IBTK: variants seen among roughly 807,000 people sequenced by gnomAD.
IBTK encodes the protein BTK-binding protein.
A neutral mutation model predicts 154.9 loss-of-function variants in IBTK; 83 were observed. The observed-to-expected ratio is 0.54, with a 90% CI of 0.45 to 0.64. The LOEUF (loss-of-function observed/expected upper bound fraction) is 0.64. Ranked by LOEUF, IBTK falls within the 30% of genes least tolerant of loss-of-function variation. The pLI, the probability that IBTK is intolerant of heterozygous loss-of-function variation, is 0.00. For missense variants in IBTK, 1,332 were observed against 1,584.6 expected (o/e 0.84, Z 2.71); for synonymous variants, 515 against 536.1 (o/e 0.96, Z 0.54).
rs1173451030 is a variant in IBTK at position 82,240,249 on chromosome 6, C to G, written c.238G>C (p.Val80Leu). The G allele has an allele frequency of 6.2e-7, 1 of 1,614,224 alleles. No individual in the cohort carries two copies. The highest frequency in any genetic ancestry group is 8.5e-7 in the Non-Finnish European group (1 of 1,180,018). ...GTCCATCCAGACTCTTTGTCTTTCA[C>G]CAACAGATCCACTCCTTTCTGAATA... ...WLIQKGVDLL[V>L]KDKESGWTAL... Residue 80 changes from valine to leucine, a missense_variant, in exon 2 of 29, where the codon GTG (valine) becomes CTG (leucine). Transcript: ENST00000306270.
At position 82,170,919 on chromosome 6, in the gene IBTK, T is replaced by C. The variant is rs1210745335; in HGVS notation, c.*506A>G. ...CATGGACCACATGATTAGCCTGATTTTTAAAAAGCAACAAGAATGGTGACA... is the reference window on the plus strand; with the variant it reads ...CATGGACCACATGATTAGCCTGATTCTTAAAAAGCAACAAGAATGGTGACA... On this transcript the variant is annotated 3_prime_UTR_variant, in exon 29 of 29. Coordinates refer to ENST00000306270, the MANE Select transcript of IBTK (RefSeq NM_015525.4). The C allele has an allele frequency of 6.5e-6, 1 of 153,074 alleles. No individual in the cohort carries two copies. The highest frequency in any genetic ancestry group is 1.5e-5 in the Non-Finnish European group (1 of 68,774). The allele number at this position is 153,074 out of a possible 1,614,324, so 9.5% of individuals were successfully genotyped here. A position where few individuals can be genotyped will look rare whatever the true frequency, so the allele number is the denominator to read the frequency against.
Position 82,194,610 on chromosome 6 carries a change from A to T in IBTK, c.3207T>A (p.Ser1069=). 1 of 1,600,484 alleles carries T rather than the reference A, an allele frequency of 6.2e-7. No homozygotes were observed. The highest frequency in any genetic ancestry group is 8.5e-7 in the Non-Finnish European group (1 of 1,174,482). Residue 1069 remains serine, a synonymous_variant, in exon 23 of 29, where the codon TCT becomes TCA. Transcript: ENST00000306270. ...TTAAATCTTCCCTAGAATACACAGG[A>T]GATGTACCATTAACATACGGTTTGA... ...AKVKPYVNGT[S]PVYSREDLKP...
chr6:82,186,633 T>G (rs1218589825), intron 25 of IBTK, among the ~76,000 whole-genome samples: 1 of 152,158 alleles, frequency 6.6e-6, no homozygotes, highest in Non-Finnish European at 1.5e-5. Flanking sequence ...AAAGTATGCC[T>G]GTATAGTCTT....
intron 2 of IBTK, 67 bp from the exon 3 acceptor site, chr6:82,234,322 C>T: frequency 1.9e-6 from 1 of 532,126 alleles, no homozygotes; most frequent in Non-Finnish European, 2.8e-6. Context: ...TCATCAGTAA[C>T]TTCCTATTTT....
In IBTK at chr6:82,214,449, T is replaced by C. The variant is rs1769788710; in HGVS notation, c.1982A>G (p.Gln661Arg). ...IHLNKNPEEY[Q>R]GTLNSHLNKV... ...ATTCAAATGAGAATTCAGAGTTCCC[T>C]GATATTCTTCTGGGTTTTTGTTTAA... is the stretch of plus-strand genomic sequence containing the variant. Residue 661 changes from glutamine to arginine, a missense_variant, in exon 12 of 29, where the codon CAG (glutamine) becomes CGG (arginine). By Grantham distance (43) the Gln-to-Arg change is conservative. Coordinates refer to ENST00000306270, the MANE Select transcript of IBTK (RefSeq NM_015525.4). 3 of 1,613,862 alleles carry C rather than the reference T, an allele frequency of 1.9e-6. No homozygotes were observed. Among genetic ancestry groups the C allele is most frequent in the Non-Finnish European group, 2.5e-6 (3 of 1,179,868 alleles).
At chr6:82,204,584 A>G (rs1345654332) in intron 17 of IBTK, among the ~76,000 whole-genome samples, 1 of 152,218 alleles carries the variant, frequency 6.6e-6, no homozygotes, top group Non-Finnish European at 1.5e-5. Flanking sequence ...GAAATTAGCA[A>G]ATAAATCTGA....
intron 23 of IBTK, 43 bp downstream of exon 23, chr6:82,194,436 C>A (rs540715890): frequency 3.2e-5 from 39 of 1,230,404 alleles, no homozygotes; most frequent in Middle Eastern, 2.0e-4. Flanking sequence ...AAATGAATGA[C>A]ATTTCTCAAA....
chr6:82,245,977 C>T (rs1427552282), intron 1 of IBTK, among the ~76,000 whole-genome samples: 5 of 152,144 alleles, frequency 3.3e-5, no homozygotes, highest in African/African-American at 1.2e-4. Flanking sequence ...TTGTTTTATA[C>T]ATTATACACA....
chr6:82,195,189 T>C (rs1164508089), intron 22 of IBTK, among the ~76,000 whole-genome samples: 1 of 152,140 alleles, frequency 6.6e-6, no homozygotes, highest in Non-Finnish European at 1.5e-5. Flanking sequence ...ACTCACAATA[T>C]ACCCTGAGCC....
chr6:82,214,625 A>T lies in IBTK; in HGVS notation c.1806T>A (p.Phe602Leu). 1 of 1,614,080 alleles carries T rather than the reference A, an allele frequency of 6.2e-7. No individual in the cohort carries two copies. The highest frequency in any genetic ancestry group is 8.5e-7 in the Non-Finnish European group (1 of 1,179,966). Residue 602 changes from phenylalanine to leucine, a missense_variant, in exon 12 of 29, where the codon TTT becomes TTA. By Grantham distance (22) the Phe-to-Leu change is conservative. Around this residue, in one of 3 missense-constraint regions of IBTK, gnomAD observed 1,134 missense variants for 1,274.7 expected, o/e 0.89. Coordinates refer to ENST00000306270, the MANE Select transcript of IBTK (RefSeq NM_015525.4). The part of the protein sequence containing the change: ...LFLSDGNTSE[F>L]TDIYQKDEDS... ...CTTCATCTTTCTGGTAAATATCTGT[A>T]AATTCTGAAGTATTACCATCTGAAA...
chr6:82,232,834 G>T (rs1217829450), intron 3 of IBTK, among the ~76,000 whole-genome samples: 4 of 151,942 alleles, frequency 2.6e-5, no homozygotes, highest in Non-Finnish European at 5.9e-5. Flanking sequence ...TGGTCAACGT[G>T]GCAAAACCTC....
chr6:82,172,342 T>C (rs761291428), intron 28 of IBTK, 38 bp downstream of exon 28: 1 of 1,584,100 alleles, frequency 6.3e-7, no homozygotes, highest in Admixed American at 1.8e-5. Context: ...GAAATGTAGT[T>C]CTTCTCTAAA....
intron 23 of IBTK, among the ~76,000 whole-genome samples, chr6:82,193,455 G>A (rs1223509065): frequency 6.6e-6 from 1 of 151,840 alleles, no homozygotes; most frequent in African/African-American, 2.4e-5. Flanking sequence ...ACTAATTTCT[G>A]AACTAAAGTT....
intron 2 of IBTK, among the ~76,000 whole-genome samples, chr6:82,236,208 T>A (rs1298580890): frequency 1.3e-5 from 2 of 152,172 alleles, no homozygotes; most frequent in African/African-American, 4.8e-5. Flanking sequence ...GTTTTGGTTT[T>A]GGTCTATCTC....
In IBTK at chr6:82,214,585, G is replaced by A; in HGVS notation, c.1846C>T (p.His616Tyr). Reference sequence around the variant, plus strand: ...TGAACCTTCTCTACCACAAAGAGATGGCACCCTGCAGAATCTTCATCTTTC... The same window carrying A: ...TGAACCTTCTCTACCACAAAGAGATAGCACCCTGCAGAATCTTCATCTTTC... ...YQKDEDSAGC[H>Y]LFVVEKVHPD... The change falls in exon 12 of 29, where the codon CAT becomes TAT. Residue 616 changes from histidine to tyrosine, a missense_variant. By Grantham distance (83) the His-to-Tyr change is moderately conservative (BLOSUM62 2). Transcript: ENST00000306270. 6.2e-7 allele frequency: 1 copy of A among 1,613,982 alleles called. No individual in the cohort carries two copies.
At chr6:82,173,203 T>C (rs1582173695) in intron 27 of IBTK, 164 bp downstream of exon 27, 16 of 455,664 alleles carry the variant, frequency 3.5e-5, no homozygotes, top group Middle Eastern at 6.6e-4. Flanking sequence ...GGTTTTGCCA[T>C]GTTGGCTAGG....
Position 82,191,833 on chromosome 6 carries a change from C to G in IBTK, c.3385G>C (p.Glu1129Gln), listed in dbSNP as rs763429423. Residue 1129 changes from glutamate to glutamine, a missense_variant, in exon 24 of 29, where the codon GAA (glutamate) becomes CAA (glutamine). Glu to Gln is a conservative substitution (Grantham distance 29, BLOSUM62 2). This residue lies in a region of IBTK where 1,134 missense variants were observed against 1,274.7 expected (regional missense o/e 0.89). Transcript: ENST00000306270. Reference protein sequence around the residue: ...VVDLRTIMEIEESRQKCGATP... With the variant: ...VVDLRTIMEIQESRQKCGATP... ...GCTCCACATTTTTGTCTACTTTCTT[C>G]TATTTCCATGATAGTTCTGAGATCC... The G allele has an allele frequency of 6.2e-7, 1 of 1,612,204 alleles. No individual in the cohort carries two copies. Among genetic ancestry groups the G allele is most frequent in the Admixed American group, 1.7e-5 (1 of 60,002 alleles).
rs142763366 is a variant in IBTK at position 82,178,478 on chromosome 6, T to C, written c.3725+3401A>G. ...AGACATGCAATATAACTCACTACAT[T>C]AGAAACAAATGTTACTTGAAACAGG... On this transcript the variant is annotated intron_variant, in intron 26 of 28. Coordinates refer to ENST00000306270, the MANE Select transcript of IBTK (RefSeq NM_015525.4). 2.1e-3 allele frequency among the ~76,000 whole-genome samples: 315 copies of C among 152,272 alleles called. 1 individual carries two copies. Among genetic ancestry groups the C allele is most frequent in the African/African-American group, 7.2e-3 (300 of 41,554 alleles).
intron 1 of IBTK, among the ~76,000 whole-genome samples, chr6:82,241,576 CA>C (rs1443678245): frequency 1.3e-5 from 2 of 151,136 alleles, no homozygotes; most frequent in African/African-American, 4.9e-5. Context: ...GGTTCAAAGG[CA>C]AACAAAAAAA....
Sources: gnomAD v4.1 joint callset for allele counts (sites outside exome capture counted in the v4.1 genomes callset) on GRCh38, gnomAD v4.1.1 for gene constraint, gnomAD v4.1.1 regional missense constraint, MANE v1.5 for transcripts, NCBI Gene and HGNC (gene_info 2026-07-23, HGNC 2026-07-21) for gene names.